HSPA12A: variants seen among roughly 807,000 people sequenced by gnomAD.
HSPA12A encodes the protein heat shock 70 kDa protein 12A.
Under a neutral mutation model 69.2 loss-of-function variants are expected in HSPA12A, and 28 were observed. The observed-to-expected ratio is 0.40, with a 90% CI of 0.30 to 0.55. HSPA12A has a LOEUF of 0.55. HSPA12A is among the 20% of genes least tolerant of loss of function. The probability of loss-of-function intolerance (pLI) is 0.38; values close to 1 mark genes in which losing one functional copy is unlikely to be tolerated. For synonymous variants in HSPA12A, 345 were observed against 370.5 expected (o/e 0.93, Z 0.79); for missense variants, 686 against 900.7 (o/e 0.76, Z 3.05).
intron 2 of HSPA12A, among the ~76,000 whole-genome samples, chr10:116,808,578 C>T (rs1845114347): frequency 6.6e-6 from 1 of 152,140 alleles, no homozygotes; most frequent in South Asian, 2.1e-4. Flanking sequence ...CTCAACACAG[C>T]GTTTCCTTAA....
intron 2 of HSPA12A, among the ~76,000 whole-genome samples, chr10:116,780,007 C>T (rs938803862): frequency 1.3e-5 from 2 of 152,168 alleles, no homozygotes; most frequent in South Asian, 2.1e-4. Context: ...AGGCCAGCCA[C>T]GAGTCAGAGA....
chr10:116,813,242 G>A (rs1845229392), intron 2 of HSPA12A, among the ~76,000 whole-genome samples: 1 of 28,868 alleles, frequency 3.5e-5, no homozygotes, highest in African/African-American at 1.3e-4. Flanking sequence ...GCCATCCAGA[G>A]CTCTATTTTT....
At position 116,675,387 on chromosome 10, in the gene HSPA12A, G is replaced by T; in HGVS notation, c.1422C>A (p.Thr474=). Reference sequence around the variant, plus strand: ...CGCCCACCAGAAAGAGGAACTTGACGGTGGACACCTCGGGCTTCTGAAACA... The same window carrying T: ...CGCCCACCAGAAAGAGGAACTTGACTGTGGACACCTCGGGCTTCTGAAACA... The part of the protein sequence containing the change: ...RDLFQKPEVS[T]VKFLFLVGGF... Residue 474 remains threonine (T), a synonymous_variant, in exon 12 of 12, where the codon ACC becomes ACA. Coordinates refer to ENST00000369209, the MANE Select transcript of HSPA12A (RefSeq NM_025015.3). This position sits in a 1 kb window ranked among gnomAD's most constrained non-coding sequence, Gnocchi z 5.2. 1 of 1,606,332 alleles carries T rather than the reference G, an allele frequency of 6.2e-7. No homozygotes were observed. The highest frequency in any genetic ancestry group is 8.5e-7 in the Non-Finnish European group (1 of 1,176,804).
intron 10 of HSPA12A, among the ~76,000 whole-genome samples, chr10:116,678,665 T>G (rs1554878162): frequency 6.6e-6 from 1 of 152,024 alleles, no homozygotes; most frequent in Admixed American, 6.5e-5. Context: ...TTATTAATTG[T>G]TAAGTGTTAT....
chr10:116,812,316 G>T (rs1393963847), intron 2 of HSPA12A, among the ~76,000 whole-genome samples: 1 of 152,034 alleles, frequency 6.6e-6, no homozygotes, highest in Non-Finnish European at 1.5e-5. Flanking sequence ...AGCTGGGTAT[G>T]GTGGTGCGTG....
upstream of HSPA12A, among the ~76,000 whole-genome samples, chr10:116,850,674 C>T (rs1197636340): frequency 6.6e-6 from 1 of 151,976 alleles, no homozygotes; most frequent in South Asian, 2.1e-4. Context: ...AAGGATGTTC[C>T]GCGAATGACT....
intron 1 of HSPA12A, among the ~76,000 whole-genome samples, chr10:116,730,327 G>A (rs1219986491): frequency 6.6e-6 from 1 of 152,142 alleles, no homozygotes; most frequent in South Asian, 2.1e-4. Context: ...AAGGTCACGG[G>A]GATCTAGAGA....
In HSPA12A at chr10:116,705,182, T is replaced by G; in HGVS notation, c.223A>C (p.Thr75Pro). 6.2e-7 allele frequency: 1 copy of G among 1,614,148 alleles called. No homozygotes were observed. Among genetic ancestry groups the G allele is most frequent in the Non-Finnish European group, 8.5e-7 (1 of 1,180,024 alleles). ...TTSSGYAYSF[T>P]KEPECIHVMR... is the part of the protein sequence containing the mutation. ...ACATGGATGCATTCCGGCTCCTTGG[T>G]GAAGCTGTAGGCATAGCCACTGGAT... Residue 75 changes from threonine to proline, a missense_variant, in exon 3 of 12, where the codon ACC becomes CCC. Physicochemically the swap from Thr to Pro is conservative, Grantham distance 38. Coordinates refer to ENST00000369209, the MANE Select transcript of HSPA12A (RefSeq NM_025015.3).
chr10:116,737,816 G>T (rs1554886573), intron 1 of HSPA12A, among the ~76,000 whole-genome samples: 1 of 152,190 alleles, frequency 6.6e-6, no homozygotes. Flanking sequence ...CATCTGCAAA[G>T]CTGCAGCCTG....
intron 1 of HSPA12A, chr10:116,849,481 T>G: frequency 5.7e-6 from 8 of 1,392,562 alleles, no homozygotes; most frequent in South Asian, 3.5e-5. Flanking sequence ...GATCTGGGGG[T>G]CGGGATCACG....
intron 2 of HSPA12A, among the ~76,000 whole-genome samples, chr10:116,769,734 T>A (rs937858255): frequency 1.3e-5 from 2 of 152,122 alleles, no homozygotes; most frequent in African/African-American, 2.4e-5. Flanking sequence ...AGTTATCAAC[T>A]CTCCTGGAGA....
At chr10:116,682,450 T>C (rs1849435782) in intron 7 of HSPA12A, among the ~76,000 whole-genome samples, 1 of 136,614 alleles carries the variant, frequency 7.3e-6, no homozygotes, top group Non-Finnish European at 1.5e-5. Flanking sequence ...CCTGGGTAAA[T>C]AGACTGGGGG....
intron 1 of HSPA12A, among the ~76,000 whole-genome samples, chr10:116,737,284 T>C (rs1851345426): frequency 6.6e-6 from 1 of 152,226 alleles, no homozygotes; most frequent in Admixed American, 6.5e-5. Context: ...GAGAGCCCTC[T>C]GTGTACCAGG....
At chr10:116,838,919 G>C (rs1431729916) in intron 1 of HSPA12A, among the ~76,000 whole-genome samples, 1 of 152,210 alleles carries the variant, frequency 6.6e-6, no homozygotes, top group Non-Finnish European at 1.5e-5. Context: ...TATGTAGTGA[G>C]AGCCACACAC....
chr10:116,763,293 G>C (rs1844010979), intron 2 of HSPA12A, among the ~76,000 whole-genome samples: 1 of 152,168 alleles, frequency 6.6e-6, no homozygotes, highest in Admixed American at 6.5e-5. Flanking sequence ...TGGGCTAGGA[G>C]AAGCCAAATG....
intron 2 of HSPA12A, among the ~76,000 whole-genome samples, chr10:116,820,905 T>C (rs1296316361): frequency 6.6e-6 from 1 of 152,114 alleles, no homozygotes; most frequent in Non-Finnish European, 1.5e-5. Context: ...GCACATCATA[T>C]TGGTGACTCC....
intron 2 of HSPA12A, chr10:116,828,909 C>T (rs1022800311): frequency 2.0e-5 from 3 of 152,184 alleles, no homozygotes; most frequent in East Asian, 1.9e-4. Flanking sequence ...CTCAGCTCTG[C>T]GATTTGTATC....
chr10:116,791,790 C>T (rs1441479908), intron 2 of HSPA12A, among the ~76,000 whole-genome samples: 1 of 152,048 alleles, frequency 6.6e-6, no homozygotes, highest in Non-Finnish European at 1.5e-5. Flanking sequence ...CCGAGTTCAC[C>T]TCTCCTCTTC....
At chr10:116,787,965 C>T (rs1844613476) in intron 2 of HSPA12A, among the ~76,000 whole-genome samples, 1 of 152,088 alleles carries the variant, frequency 6.6e-6, no homozygotes, top group African/African-American at 2.4e-5. Context: ...GTGACTTGGC[C>T]TGAGGGTCGG....
Sources: gnomAD v4.1 joint callset for allele counts (sites outside exome capture counted in the v4.1 genomes callset) on GRCh38, gnomAD v4.1.1 for gene constraint, Gnocchi (gnomAD v3.1) non-coding constraint, MANE v1.5 for transcripts, NCBI Gene and HGNC (gene_info 2026-07-23, HGNC 2026-07-21) for gene names.